The following TENM1 variants were observed in gnomAD, a reference collection of about 807,000 sequenced individuals.
TENM1 encodes teneurin-1.
TENM1 carries 35 observed loss-of-function variants against 174.8 expected under a neutral mutation model. The ratio of observed to expected loss-of-function variants is 0.20; its 90% CI spans 0.15 to 0.27. The LOEUF is 0.27. TENM1 is among the 10% of genes least tolerant of loss of function. The pLI, the probability that TENM1 is intolerant of heterozygous loss-of-function variation, is 1.00. For missense variants in TENM1, 1,633 were observed against 2,130.1 expected (o/e 0.77, Z 4.59); for synonymous variants, 781 against 798.7 (o/e 0.98, Z 0.37).
chrX:125,067,411 A>G, the TENM1 span, among the ~76,000 whole-genome samples: 1 of 110,808 alleles, frequency 9.0e-6, no homozygotes, highest in African/African-American at 3.3e-5. Flanking sequence ...AAATTTTGCC[A>G]GAACCTCTAG....
chrX:124,407,713 A>T (rs2060478919), intron 25 of TENM1, among the ~76,000 whole-genome samples: 1 of 112,875 alleles, frequency 8.9e-6, no homozygotes, highest in Non-Finnish European at 1.9e-5. Context: ...TGCCACCTAA[A>T]GTTCAGTTCT....
At chrX:124,609,266 T>TCTTTTTTA (rs1344567383) in intron 11 of TENM1, among the ~76,000 whole-genome samples, 1 of 111,592 alleles carries the variant, frequency 9.0e-6, no homozygotes, top group Non-Finnish European at 1.9e-5. Flanking sequence ...AAAAGTTTAA[T>TCTTTTTTA]CTGATAGGGT....
At chrX:124,455,704 T>G (rs1413796100) in intron 22 of TENM1, among the ~76,000 whole-genome samples, 1 of 111,011 alleles carries the variant, frequency 9.0e-6, no homozygotes. Context: ...TGTGAGGGTA[T>G]AAGGATAAAG....
chrX:124,837,712 C>T (rs760396677), intron 3 of TENM1, among the ~76,000 whole-genome samples: 2 of 109,682 alleles, frequency 1.8e-5, no homozygotes, highest in South Asian at 3.8e-4. Flanking sequence ...TATGGGATGA[C>T]GAAAAGGAAT....
chrX:124,884,017 C>T (rs1244867207), intron 3 of TENM1, among the ~76,000 whole-genome samples: 2 of 111,188 alleles, frequency 1.8e-5, no homozygotes, highest in Non-Finnish European at 3.8e-5. Context: ...GTAGGGGTAT[C>T]AGTGGCTGCA....
the TENM1 span, among the ~76,000 whole-genome samples, chrX:125,139,131 G>A: frequency 5.4e-5 from 6 of 111,667 alleles, no homozygotes; most frequent in Non-Finnish European, 9.4e-5. Flanking sequence ...CATAGATATG[G>A]TCCTTGCCTG....
At chrX:124,783,266 A>T (rs143725065) in intron 3 of TENM1, among the ~76,000 whole-genome samples, 2,315 of 111,859 alleles carry the variant, frequency 0.021, 19 homozygotes, top group Middle Eastern at 0.061. Context: ...GATGATATAT[A>T]GTAAAGTTTG....
At chrX:125,011,436 G>A in the TENM1 span, among the ~76,000 whole-genome samples, 1 of 111,766 alleles carries the variant, frequency 8.9e-6, no homozygotes, top group Non-Finnish European at 1.9e-5. Context: ...CTACCTATCT[G>A]ACAAAGGTCT....
chrX:124,520,460 G>A, intron 18 of TENM1, 57 bp downstream of exon 21: 1 of 1,007,590 alleles, frequency 9.9e-7, no homozygotes, highest in African/African-American at 1.9e-5. Context: ...CATGTAACAA[G>A]TATTTTCTGT....
intron 23 of TENM1, among the ~76,000 whole-genome samples, chrX:124,423,231 TG>T (rs1266843001): frequency 8.9e-6 from 1 of 112,472 alleles, no homozygotes; most frequent in East Asian, 2.8e-4. Flanking sequence ...GCATCCACTT[TG>T]TGGAACACTC....
intron 3 of TENM1, among the ~76,000 whole-genome samples, chrX:124,770,569 C>T (rs1440817713): frequency 9.1e-6 from 1 of 110,454 alleles, no homozygotes; most frequent in African/African-American, 3.3e-5. Flanking sequence ...TCACACCCAG[C>T]TAAATTTCTT....
chrX:124,904,659 A>C (rs1376122596), intron 1 of TENM1, among the ~76,000 whole-genome samples: 2 of 112,511 alleles, frequency 1.8e-5, no homozygotes, highest in Non-Finnish European at 3.8e-5. Context: ...AGACTAATGG[A>C]GAACAAGTAC....
At chrX:124,888,745 A>C (rs1461378378) in intron 3 of TENM1, among the ~76,000 whole-genome samples, 1 of 112,040 alleles carries the variant, frequency 8.9e-6, no homozygotes, top group Admixed American at 9.5e-5. Flanking sequence ...GATAAACAAC[A>C]ACCACAACTG....
intron 3 of TENM1, among the ~76,000 whole-genome samples, chrX:124,835,484 A>C (rs1031317350): frequency 8.9e-6 from 1 of 112,080 alleles, no homozygotes. Context: ...GTATTCATTA[A>C]ATATATATTA....
chrX:125,052,015 C>A, the TENM1 span, among the ~76,000 whole-genome samples: 1 of 110,904 alleles, frequency 9.0e-6, no homozygotes, highest in African/African-American at 3.3e-5. Flanking sequence ...ACAAACAACC[C>A]CATCAAAAAG....
chrX:124,876,318 G>A (rs2057200535), intron 3 of TENM1, among the ~76,000 whole-genome samples: 1 of 111,640 alleles, frequency 9.0e-6, no homozygotes, highest in Admixed American at 9.5e-5. Context: ...CTACATTGAT[G>A]TACTCATATG....
chrX:124,583,244 C>T (rs764537281), intron 11 of TENM1, among the ~76,000 whole-genome samples: 1 of 111,708 alleles, frequency 9.0e-6, no homozygotes, highest in African/African-American at 3.3e-5. Context: ...AGGTGGGTCC[C>T]TGACCCCTGA....
chrX:124,730,974 AT>A (rs1328700256), intron 4 of TENM1, among the ~76,000 whole-genome samples: 1 of 110,909 alleles, frequency 9.0e-6, no homozygotes, highest in African/African-American at 3.3e-5. Flanking sequence ...ATTATATTTT[AT>A]TTTTTTTAAC....
At chrX:124,569,668 G>A (rs745306499) in intron 11 of TENM1, among the ~76,000 whole-genome samples, 15 of 111,341 alleles carry the variant, frequency 1.3e-4, no homozygotes, top group Non-Finnish European at 2.1e-4. Flanking sequence ...AACATTAAAC[G>A]AATAAGACAT....
Sources: allele counts gnomAD v4.1 joint callset (sites outside exome capture counted in the v4.1 genomes callset), GRCh38; gene constraint gnomAD v4.1.1; transcripts MANE v1.5; gene names NCBI Gene and HGNC (gene_info 2026-07-23, HGNC 2026-07-21).